The following OTUD7B variants were observed in gnomAD, a reference collection of about 807,000 sequenced individuals.
OTUD7B encodes the protein OTU deubiquitinase 7B, also known as OTU domain-containing protein 7B.
In OTUD7B, 34 loss-of-function variants were observed where a neutral mutation model predicts 82.2. The ratio of observed to expected loss-of-function variants is 0.41; its 90% CI spans 0.31 to 0.55. The LOEUF is 0.55. OTUD7B is among the 20% of genes least tolerant of loss of function. OTUD7B has a pLI of 0.20. For synonymous variants in OTUD7B, 398 were observed against 402.7 expected (o/e 0.99, Z 0.14); for missense variants, 944 against 1,062.1 (o/e 0.89, Z 1.55).
intron 1 of OTUD7B, among the ~76,000 whole-genome samples, chr1:149,981,112 G>A (rs369813985): frequency 2.6e-5 from 4 of 151,418 alleles, no homozygotes; most frequent in African/African-American, 9.7e-5. Flanking sequence ...AGGAAGAGGA[G>A]GAGGAGGGGG....
At chr1:149,974,738 C>T (rs1475219618) in intron 2 of OTUD7B, among the ~76,000 whole-genome samples, 4 of 151,532 alleles carry the variant, frequency 2.6e-5, no homozygotes, top group East Asian at 1.9e-4. Context: ...TTAGTAGAAA[C>T]GGGGTTTCAC....
chr1:150,003,249 C>CAA (rs11297514), intron 1 of OTUD7B, among the ~76,000 whole-genome samples: 5,838 of 117,598 alleles, frequency 0.05, 371 homozygotes, highest in East Asian at 0.32. Flanking sequence ...GACTCTGTCT[C>CAA]AAAAAAAAAA....
chr1:150,042,290 A>C, the OTUD7B span, among the ~76,000 whole-genome samples: 4 of 151,678 alleles, frequency 2.6e-5, no homozygotes, highest in East Asian at 7.8e-4. Flanking sequence ...CTCGTGCCTC[A>C]ATCTCCCAAG....
intron 1 of OTUD7B, among the ~76,000 whole-genome samples, chr1:150,002,116 A>T (rs1553784955): frequency 6.6e-6 from 1 of 152,158 alleles, no homozygotes; most frequent in Non-Finnish European, 1.5e-5. Context: ...AATATGACAA[A>T]ATGTTAATGT....
intron 1 of OTUD7B, among the ~76,000 whole-genome samples, chr1:149,989,333 C>T (rs1175074733): frequency 1.3e-5 from 2 of 151,796 alleles, no homozygotes; most frequent in East Asian, 1.9e-4. Flanking sequence ...ATTAGCCAGG[C>T]GTGGTGGTGG....
At chr1:150,028,302 G>T in the OTUD7B span, among the ~76,000 whole-genome samples, 1 of 152,300 alleles carries the variant, frequency 6.6e-6, no homozygotes, top group Non-Finnish European at 1.5e-5. Context: ...AGATCATTTG[G>T]CCTAATAAAA....
chr1:149,969,651 C>A (rs1649773116), intron 3 of OTUD7B, among the ~76,000 whole-genome samples: 1 of 152,126 alleles, frequency 6.6e-6, no homozygotes, highest in South Asian at 2.1e-4. Flanking sequence ...TTTTAAAACG[C>A]AAATGAGAGT....
rs1647367980 is a variant in OTUD7B, at chr1:149,943,077, T to C, written c.*780A>G. On this transcript the variant is annotated 3_prime_UTR_variant, in exon 12 of 12. Transcript: ENST00000581312. ...GAAAATGCAACACACATGACGGCTG[T>C]TCTCACCACACTCTTCCCTTTAAAC... 1 of 152,578 alleles carries C rather than the reference T, an allele frequency of 6.6e-6. No homozygotes were observed. Among genetic ancestry groups the C allele is most frequent in the Non-Finnish European group, 1.5e-5 (1 of 68,048 alleles). 9.5% of individuals were successfully genotyped at this position (152,578 alleles called of 1,614,324 possible).
At position 149,944,863 on chromosome 1, in the gene OTUD7B, A is replaced by C; in HGVS notation, c.1526T>G (p.Phe509Cys). 2 of 1,614,118 alleles carry C rather than the reference A, an allele frequency of 1.2e-6. No homozygotes were observed. Among genetic ancestry groups the C allele is most frequent in the Non-Finnish European group, 1.7e-6 (2 of 1,180,020 alleles). The change falls in exon 12 of 12, where the codon TTT becomes TGT. Residue 509 changes from phenylalanine (F) to cysteine (C), a missense_variant. Transcript: ENST00000581312. ...GAGCTTGCTGCCCAAGGTTTTGCCA[A>C]AGCTGCCCAGTTTGTTAGCCACAGA... ...ADSVANKLGS[F>C]GKTLGSKLKK...
chr1:150,026,296 C>A, the OTUD7B span, among the ~76,000 whole-genome samples: 2 of 152,170 alleles, frequency 1.3e-5, no homozygotes, highest in Non-Finnish European at 2.9e-5. Flanking sequence ...ATTAAAAATT[C>A]TTTTACTAAG....
the OTUD7B span, among the ~76,000 whole-genome samples, chr1:150,034,587 T>TAA: frequency 3.3e-5 from 5 of 152,128 alleles, no homozygotes; most frequent in Admixed American, 6.5e-5. Flanking sequence ...AGAGCTACTT[T>TAA]AAAAAAAGAA....
Position 149,942,870 on chromosome 1 carries a change from T to A in OTUD7B, c.*987A>T, listed in dbSNP as rs1167102672. 4 of 152,620 alleles carry A rather than the reference T, an allele frequency of 2.6e-5. No individual in the cohort carries two copies. The highest frequency in any genetic ancestry group is 9.7e-5 in the African/African-American group (4 of 41,450). 9.5% of individuals were successfully genotyped at this position (152,620 alleles called of 1,614,324 possible). A position where few individuals can be genotyped will look rare whatever the true frequency, so the allele number is the denominator to read the frequency against. On this transcript the variant is annotated 3_prime_UTR_variant, in exon 12 of 12. Coordinates refer to ENST00000581312, the MANE Select transcript of OTUD7B (RefSeq NM_020205.4). Reference sequence around the variant, plus strand: ...AAAAAAAGTCAATAAAATAAGTTGCTTTCTACAGAAACGCAGCAGCCACAG... The same window carrying A: ...AAAAAAAGTCAATAAAATAAGTTGCATTCTACAGAAACGCAGCAGCCACAG...
intron 1 of OTUD7B, among the ~76,000 whole-genome samples, chr1:150,008,738 T>C (rs1262497612): frequency 6.6e-6 from 1 of 152,248 alleles, no homozygotes; most frequent in African/African-American, 2.4e-5. Context: ...GGATAATTAT[T>C]GGCAGAAAGG....
At position 149,945,128 on chromosome 1, in the gene OTUD7B, G is replaced by C. The variant is rs1647623253; in HGVS notation, c.1324-63C>G. 5.8e-6 allele frequency: 9 copies of C among 1,554,386 alleles called. No homozygotes were observed. In the East Asian group the frequency reaches 1.6e-4, roughly 27 times the overall value. On this transcript the variant is annotated intron_variant, in intron 11 of 11. Coordinates refer to ENST00000581312, the MANE Select transcript of OTUD7B (RefSeq NM_020205.4). Reference sequence around the variant, plus strand: ...CAGCCTGGGGTGGGGGAATCCCCCAGGGACCTCTAGCCCATCCATCTGGCT... The same window carrying C: ...CAGCCTGGGGTGGGGGAATCCCCCACGGACCTCTAGCCCATCCATCTGGCT...
At chr1:150,043,156 G>C in the OTUD7B span, among the ~76,000 whole-genome samples, 10 of 152,138 alleles carry the variant, frequency 6.6e-5, no homozygotes, top group South Asian at 1.2e-3. Flanking sequence ...GAATCTCTAG[G>C]GGGAGGGCTC....
At chr1:150,050,899 T>C in the OTUD7B span, among the ~76,000 whole-genome samples, 2 of 139,890 alleles carry the variant, frequency 1.4e-5, no homozygotes, top group African/African-American at 2.7e-5. Flanking sequence ...CTTTAATCAC[T>C]GCTGGCAGAT....
intron 1 of OTUD7B, among the ~76,000 whole-genome samples, chr1:149,995,677 C>T (rs1651878516): frequency 6.6e-6 from 1 of 152,102 alleles, no homozygotes; most frequent in South Asian, 2.1e-4. Flanking sequence ...TGGAACTCAG[C>T]TACTCGCTCT....
At chr1:150,011,701 A>G (rs1653074078), upstream of OTUD7B, among the ~76,000 whole-genome samples, 1 of 152,254 alleles carries the variant, frequency 6.6e-6, no homozygotes, top group African/African-American at 2.4e-5. Flanking sequence ...AACCCCGGCT[A>G]TACTCTAACA....
At chr1:150,064,324 CCTTT>C in the OTUD7B span, among the ~76,000 whole-genome samples, 131 of 152,032 alleles carry the variant, frequency 8.6e-4, no homozygotes, top group African/African-American at 2.8e-3. Context: ...CACAAGTAAT[CCTTT>C]CTTTCTTTCT....
Sources: gnomAD v4.1 joint callset for allele counts (sites outside exome capture counted in the v4.1 genomes callset) on GRCh38, gnomAD v4.1.1 for gene constraint, MANE v1.5 for transcripts, NCBI Gene and HGNC (gene_info 2026-07-23, HGNC 2026-07-21) for gene names.